The following INTS14 variants were observed in gnomAD, a reference collection of about 807,000 sequenced individuals.
INTS14 encodes UPF0464 protein C15orf44.
Under a neutral mutation model 56.9 loss-of-function variants are expected in INTS14, and 27 were observed. The ratio of observed to expected loss-of-function variants is 0.47; its 90% CI spans 0.35 to 0.65. The LOEUF (loss-of-function observed/expected upper bound fraction) is 0.65. Among genes scored for constraint, INTS14 ranks in the 30% least tolerant of loss-of-function variants. The pLI is 0.00. For missense variants in INTS14, 517 were observed against 632.2 expected (o/e 0.82, Z 1.95); for synonymous variants, 207 against 236.2 (o/e 0.88, Z 1.13).
intron 10 of INTS14, among the ~76,000 whole-genome samples, chr15:65,583,783 G>A (rs1053910030): frequency 1.3e-5 from 2 of 152,158 alleles, no homozygotes; most frequent in African/African-American, 4.8e-5. Context: ...TATAACTGGT[G>A]GTGAAAGTGG....
At chr15:65,590,195 G>A (rs1437950524) in intron 9 of INTS14, among the ~76,000 whole-genome samples, 1 of 151,242 alleles carries the variant, frequency 6.6e-6, no homozygotes, top group East Asian at 2.0e-4. Flanking sequence ...TTCAGCCACA[G>A]GTCCTTGCCT....
intron 11 of INTS14, among the ~76,000 whole-genome samples, chr15:65,580,415 A>T (rs115969484): frequency 6.6e-6 from 1 of 152,206 alleles, no homozygotes; most frequent in African/African-American, 2.4e-5. Flanking sequence ...GTTAAGAAGA[A>T]GGCCAAACAA....
intron 9 of INTS14, 36 bp downstream of exon 9, chr15:65,591,562 A>G: frequency 1.2e-6 from 2 of 1,604,512 alleles, no homozygotes; most frequent in East Asian, 2.2e-5. Flanking sequence ...GAATGAAAAC[A>G]AAGTCAGGAT....
intron 11 of INTS14, 140 bp downstream of exon 11, chr15:65,581,814 A>G (rs916813193): frequency 2.5e-6 from 2 of 803,952 alleles, no homozygotes; most frequent in Non-Finnish European, 4.0e-6. Flanking sequence ...GAACAGACCT[A>G]TCACTTTTAC....
At chr15:65,598,491 G>A in intron 5 of INTS14, 28 bp from the exon 6 acceptor site, 1 of 1,605,808 alleles carries the variant, frequency 6.2e-7, no homozygotes, top group Non-Finnish European at 8.5e-7. Context: ...ATAGTTATAG[G>A]AAGAGTAATA....
chr15:65,609,652 C>G (rs898124600), intron 1 of INTS14, among the ~76,000 whole-genome samples: 5 of 152,258 alleles, frequency 3.3e-5, no homozygotes, highest in Admixed American at 1.3e-4. Flanking sequence ...ACACCAGAAA[C>G]ACATTTCCTC....
chr15:65,581,389 AAAAC>A (rs1423883590), intron 11 of INTS14, among the ~76,000 whole-genome samples: 2 of 138,404 alleles, frequency 1.4e-5, no homozygotes, highest in Non-Finnish European at 3.1e-5. Context: ...CAAAAACAAA[AAAAC>A]AAAAATTAGC....
chr15:65,582,042 T>A (rs201463298), intron 10 of INTS14, 23 bp from the exon 11 acceptor site: 15 of 1,435,308 alleles, frequency 1.0e-5, no homozygotes, highest in Non-Finnish European at 1.4e-5. Flanking sequence ...AAAAAAAAAA[T>A]CCAACATTAG....
At chr15:65,588,261 C>T (rs2072899203) in intron 9 of INTS14, among the ~76,000 whole-genome samples, 1 of 152,004 alleles carries the variant, frequency 6.6e-6, no homozygotes, top group Non-Finnish European at 1.5e-5. Context: ...TACAGTCCAG[C>T]CTGGGCAACA....
chr15:65,583,956 C>T (rs181039813), intron 10 of INTS14, among the ~76,000 whole-genome samples: 1 of 152,272 alleles, frequency 6.6e-6, no homozygotes, highest in Admixed American at 6.5e-5. Flanking sequence ...ACAGAAACTA[C>T]TTTTGTTGTC....
At chr15:65,590,046 T>A (rs1224940299) in intron 9 of INTS14, among the ~76,000 whole-genome samples, 2 of 152,216 alleles carry the variant, frequency 1.3e-5, no homozygotes, top group Non-Finnish European at 1.5e-5. Context: ...GTCAGAAACC[T>A]GGGATCAATT....
chr15:65,596,046 C>T (rs1390900119), intron 6 of INTS14, among the ~76,000 whole-genome samples: 2 of 152,118 alleles, frequency 1.3e-5, no homozygotes, highest in Non-Finnish European at 1.5e-5. Flanking sequence ...AGTTATATGA[C>T]AAAATCAGCT....
chr15:65,593,152 A>G (rs1002962463), intron 8 of INTS14, among the ~76,000 whole-genome samples: 26 of 151,744 alleles, frequency 1.7e-4, no homozygotes, highest in African/African-American at 6.3e-4. Flanking sequence ...GGTCATGGCT[A>G]CTTGGAAGGC....
rs1437887684 is a variant in INTS14, at chr15:65,605,150, CCA to C, written c.307_308del (p.Trp103GlyfsTer20). ...VGVCNIVQQE[W>X]GGAIPCQVVL... ...TTACCTGGCAAGGAATTGCACCACC[CCA>C]TTCTTGCTGAACGATATTGCAAACA... On this transcript the variant is annotated frameshift_variant, in exon 3 of 12. Transcript: ENST00000313182. LOFTEE classifies it high-confidence loss of function. 6.2e-7 allele frequency: 1 copy of C among 1,613,958 alleles called. No homozygotes were observed. The highest frequency in any genetic ancestry group is 8.5e-7 in the Non-Finnish European group (1 of 1,179,858).
chr15:65,610,979 C>G, intron 1 of INTS14, 119 bp downstream of exon 1: 1 of 1,490,528 alleles, frequency 6.7e-7, no homozygotes, highest in Non-Finnish European at 8.9e-7. Context: ...GCGGGGCGGC[C>G]GCCACGGTGG....
chr15:65,600,151 G>C (rs776329193), intron 3 of INTS14, among the ~76,000 whole-genome samples: 3 of 149,006 alleles, frequency 2.0e-5, no homozygotes, highest in South Asian at 2.1e-4. Flanking sequence ...AAAAAACTTA[G>C]AAAAAAAAAA....
intron 4 of INTS14, 112 bp downstream of exon 4, chr15:65,599,662 A>G: frequency 3.4e-6 from 4 of 1,176,420 alleles, no homozygotes; most frequent in South Asian, 2.0e-5. Context: ...GCTGAAACCA[A>G]TGGAGTTCAA....
intron 11 of INTS14, among the ~76,000 whole-genome samples, chr15:65,580,828 C>G (rs1185150282): frequency 6.6e-6 from 1 of 152,212 alleles, no homozygotes. Flanking sequence ...TACCCCACCC[C>G]CTGTAACTTA....
chr15:65,579,417 T>G lies in INTS14; in HGVS notation c.1548A>C (p.Glu516Asp), dbSNP rs773945014. 7 of 1,608,274 alleles carry G rather than the reference T, an allele frequency of 4.4e-6. No homozygotes were observed. Among genetic ancestry groups the G allele is most frequent in the Non-Finnish European group, 6.0e-6 (7 of 1,175,504 alleles). Reference protein sequence around the residue: ...LHTDFSGSSTERI With the variant: ...LHTDFSGSSTDRI Reference sequence around the variant, plus strand: ...GCTCCAAAAGTCAGTTTCAAATTCTTTCAGTGCTGCTCCCAGAGAAGTCCG... The same window carrying G: ...GCTCCAAAAGTCAGTTTCAAATTCTGTCAGTGCTGCTCCCAGAGAAGTCCG... Residue 516 changes from glutamate (E) to aspartate (D), a missense_variant, in exon 12 of 12, where the codon GAA becomes GAC. Glu to Asp is a conservative substitution (Grantham distance 45). Coordinates refer to ENST00000313182, the MANE Select transcript of INTS14 (RefSeq NM_001394796.1).
Sources: gnomAD v4.1 joint callset for allele counts (sites outside exome capture counted in the v4.1 genomes callset) on GRCh38, gnomAD v4.1.1 for gene constraint, MANE v1.5 for transcripts, NCBI Gene and HGNC (gene_info 2026-07-23, HGNC 2026-07-21) for gene names.